The following ARID4B variants were observed in gnomAD, a reference collection of about 807,000 sequenced individuals.
ARID4B encodes the protein AT-rich interactive domain-containing protein 4B.
A neutral mutation model predicts 147.5 loss-of-function variants in ARID4B; 26 were observed. The observed-to-expected ratio is 0.18, with a 90% CI of 0.13 to 0.24. The LOEUF (loss-of-function observed/expected upper bound fraction) is 0.24, where lower values mean the gene tolerates loss of function less well. Ranked by LOEUF, ARID4B falls within the 10% of genes least tolerant of loss-of-function variation. ARID4B has a pLI of 1.00. For missense variants in ARID4B, 1,179 were observed against 1,511.5 expected, an observed-to-expected ratio of 0.78 and a Z score of 3.65; for synonymous variants, 512 against 507.9, an observed-to-expected ratio of 1.01 and a Z score of -0.11.
chr1:235,231,690 G>T (rs540105487), intron 9 of ARID4B, among the ~76,000 whole-genome samples: 30 of 152,262 alleles, frequency 2.0e-4, no homozygotes, highest in Middle Eastern at 3.4e-3. Context: ...GTTTCACCAT[G>T]TTGGACAGGT....
At chr1:235,286,242 C>A (rs183708953) in intron 2 of ARID4B, among the ~76,000 whole-genome samples, 25 of 152,166 alleles carry the variant, frequency 1.6e-4, no homozygotes, top group African/African-American at 5.6e-4. Context: ...CTATGTTACC[C>A]AGGCTGGTCT....
chr1:235,256,060 G>C (rs1221168497), intron 4 of ARID4B, among the ~76,000 whole-genome samples: 1 of 151,608 alleles, frequency 6.6e-6, no homozygotes, highest in Non-Finnish European at 1.5e-5. Context: ...TGTAATCCCA[G>C]CTACTCGGGA....
chr1:235,175,213 G>A lies in ARID4B; in HGVS notation c.3635C>T (p.Pro1212Leu), dbSNP rs955143667. ...CTGAAAACTCCATTTGTAAACTTTGGGTAATCGATTACTGGGTTCCTTGAG... is the reference window on the plus strand; with the variant it reads ...CTGAAAACTCCATTTGTAAACTTTGAGTAATCGATTACTGGGTTCCTTGAG... ...PDLKEPSNRL[P>L]KVYKWSFQMS... Residue 1212 changes from proline (P) to leucine (L), a missense_variant, in exon 22 of 24, where the codon CCC becomes CTC. By Grantham distance (98) the Pro-to-Leu change is moderately conservative. This residue lies in a region of ARID4B where 357 missense variants were observed against 427.3 expected (regional missense o/e 0.84). Transcript: ENST00000264183. 1 of 1,613,980 alleles carries A rather than the reference G, an allele frequency of 6.2e-7. No individual in the cohort carries two copies. The highest frequency in any genetic ancestry group is 8.5e-7 in the Non-Finnish European group (1 of 1,179,960).
At chr1:235,172,205 A>C (rs957470307) in intron 23 of ARID4B, among the ~76,000 whole-genome samples, 2 of 152,230 alleles carry the variant, frequency 1.3e-5, no homozygotes, top group African/African-American at 4.8e-5. Flanking sequence ...TAAAGAAATT[A>C]AAGAATTTGC....
intron 2 of ARID4B, among the ~76,000 whole-genome samples, chr1:235,315,191 A>C (rs972775644): frequency 1.3e-5 from 2 of 152,218 alleles, no homozygotes; most frequent in African/African-American, 4.8e-5. Flanking sequence ...TGGGAGGCCA[A>C]GGTGGGAGGA....
At chr1:235,178,286 T>A (rs950814711) in intron 20 of ARID4B, among the ~76,000 whole-genome samples, 16 of 152,164 alleles carry the variant, frequency 1.1e-4, no homozygotes. Context: ...ATATTAAGAC[T>A]TAATCACAGG....
chr1:235,290,619 A>G (rs1407057590), intron 2 of ARID4B, among the ~76,000 whole-genome samples: 1 of 152,252 alleles, frequency 6.6e-6, no homozygotes, highest in Non-Finnish European at 1.5e-5. Flanking sequence ...TAAATAAATT[A>G]TGTTACATCG....
chr1:235,201,318 T>C (rs1053787325), intron 17 of ARID4B, among the ~76,000 whole-genome samples: 1 of 152,042 alleles, frequency 6.6e-6, no homozygotes, highest in South Asian at 2.1e-4. Flanking sequence ...TCTTAAGGAA[T>C]ACGAGAATCT....
intron 5 of ARID4B, among the ~76,000 whole-genome samples, chr1:235,254,115 A>G (rs181863845): frequency 9.2e-5 from 14 of 152,316 alleles, no homozygotes; most frequent in Non-Finnish European, 5.9e-5. Context: ...TAGACTTCCT[A>G]CATAGAATTG....
chr1:235,280,237 T>G (rs941316274), intron 2 of ARID4B, among the ~76,000 whole-genome samples: 1 of 79,470 alleles, frequency 1.3e-5, no homozygotes, highest in African/African-American at 3.1e-5. Context: ...ATTTTAATAT[T>G]ATTTTATTTC....
At chr1:235,176,880 C>T (rs757293525) in intron 21 of ARID4B, 40 of 471,004 alleles carry the variant, frequency 8.5e-5, no homozygotes, top group Non-Finnish European at 1.8e-4. Flanking sequence ...CCTGGAAGAG[C>T]AGCAGGAGGT....
chr1:235,232,440 A>AAAAT (rs1387696254), intron 9 of ARID4B, among the ~76,000 whole-genome samples: 6 of 151,872 alleles, frequency 4.0e-5, no homozygotes, highest in South Asian at 4.2e-4. Context: ...TAAATAAAAT[A>AAAAT]AAATAAATAA....
intron 21 of ARID4B, 149 bp downstream of exon 21, chr1:235,177,651 A>G (rs1663985755): frequency 1.9e-6 from 1 of 516,396 alleles, no homozygotes; most frequent in Non-Finnish European, 3.3e-6. Context: ...TAAAGCAAGT[A>G]GCCTTACAGA....
At chr1:235,255,479 G>A (rs1000854101) in intron 5 of ARID4B, among the ~76,000 whole-genome samples, 181 bp downstream of exon 5, 7 of 151,922 alleles carry the variant, frequency 4.6e-5, no homozygotes, top group Admixed American at 1.3e-4. Context: ...TTCAATTTTT[G>A]TTACATATAC....
At chr1:235,260,820 T>A (rs1670247148) in intron 2 of ARID4B, 68 bp from the exon 3 acceptor site, 3 of 1,074,764 alleles carry the variant, frequency 2.8e-6, no homozygotes, top group Non-Finnish European at 4.1e-6. Flanking sequence ...GACCTCAGAA[T>A]AGTGAGCCTA....
rs780848243 is a variant in ARID4B at position 235,168,656 on chromosome 1, A to T, written c.3812-4T>A. On this transcript the variant is annotated splice_polypyrimidine_tract_variant and splice_region_variant and intron_variant, in intron 23 of 23. Coordinates refer to ENST00000264183, the MANE Select transcript of ARID4B (RefSeq NM_016374.6). The stretch of plus-strand genomic sequence containing the variant: ...GAGGATGAGGATGTAGCAGCACCTA[A>T]GGAAAAGGGAGACCAAACCAAGAGC... 6.2e-7 allele frequency: 1 copy of T among 1,610,930 alleles called. No homozygotes were observed. Among genetic ancestry groups the T allele is most frequent in the African/African-American group, 1.3e-5 (1 of 74,860 alleles).
At chr1:235,178,032 A>G in intron 20 of ARID4B, 119 bp from the exon 21 acceptor site, 3 of 505,112 alleles carry the variant, frequency 5.9e-6, no homozygotes, top group Non-Finnish European at 1.0e-5. Flanking sequence ...TATGACATTT[A>G]TAAGTTGTCA....
chr1:235,248,748 A>G (rs528892684), intron 6 of ARID4B, among the ~76,000 whole-genome samples: 2 of 152,352 alleles, frequency 1.3e-5, no homozygotes, highest in Non-Finnish European at 1.5e-5. Context: ...AAGAAGAAAC[A>G]TAAGCAATAT....
intron 2 of ARID4B, among the ~76,000 whole-genome samples, chr1:235,323,019 G>A (rs977581578): frequency 6.0e-5 from 9 of 151,234 alleles, no homozygotes; most frequent in South Asian, 4.2e-4. Context: ...TTCAATCTAC[G>A]TGGATTCTAA....
Sources: gnomAD v4.1 joint callset for allele counts (sites outside exome capture counted in the v4.1 genomes callset) on GRCh38, gnomAD v4.1.1 for gene constraint, gnomAD v4.1.1 regional missense constraint, MANE v1.5 for transcripts, NCBI Gene and HGNC (gene_info 2026-07-23, HGNC 2026-07-21) for gene names.